GTF3C1: variants seen among roughly 807,000 people sequenced by gnomAD.
GTF3C1 encodes the protein general transcription factor IIIC subunit 1.
GTF3C1 carries 57 observed loss-of-function variants against 226.7 expected under a neutral mutation model. That is an observed-to-expected ratio of 0.25 (90% CI 0.20 to 0.31). The LOEUF is 0.31. Ranked by LOEUF, GTF3C1 falls within the 10% of genes least tolerant of loss-of-function variation. The pLI is 1.00. For missense variants in GTF3C1, 2,217 were observed against 2,776.1 expected (o/e 0.80, Z 4.53); for synonymous variants, 1,090 against 1,084.8 (o/e 1.00, Z -0.09).
intron 24 of GTF3C1, 70 bp from the exon 25 acceptor site, chr16:27,484,423 A>C: frequency 3.6e-6 from 4 of 1,110,622 alleles, no homozygotes; most frequent in Non-Finnish European, 5.5e-6. Context: ...AATTACCATA[A>C]AAAAGTGGAC....
intron 6 of GTF3C1, 85 bp downstream of exon 6, chr16:27,528,513 T>C (rs2088866552): frequency 9.8e-7 from 1 of 1,023,814 alleles, no homozygotes; most frequent in Non-Finnish European, 1.5e-6. Context: ...AGGCAGAATG[T>C]GATCAGAGAG....
At chr16:27,511,503 T>C (rs752551712) in intron 7 of GTF3C1, among the ~76,000 whole-genome samples, 24 of 152,224 alleles carry the variant, frequency 1.6e-4, no homozygotes, top group Non-Finnish European at 2.4e-4. Context: ...TGGAGAACTC[T>C]AAGATGCCTG....
chr16:27,530,549 T>C (rs1306337122), intron 5 of GTF3C1, among the ~76,000 whole-genome samples: 2 of 152,136 alleles, frequency 1.3e-5, no homozygotes, highest in Non-Finnish European at 2.9e-5. Context: ...GCTTCATCTA[T>C]AGGCTAATTT....
chr16:27,516,130 C>T (rs779151434), intron 6 of GTF3C1, among the ~76,000 whole-genome samples: 2 of 152,222 alleles, frequency 1.3e-5, no homozygotes, highest in Non-Finnish European at 2.9e-5. Context: ...TTCAAGGTGG[C>T]GGGCCCCCCC....
At chr16:27,528,851 C>A in intron 5 of GTF3C1, 130 bp from the exon 6 acceptor site, 1 of 901,808 alleles carries the variant, frequency 1.1e-6, no homozygotes, top group Middle Eastern at 2.2e-4. Flanking sequence ...ATGAGGAAAG[C>A]CTGCCAAGCT....
Position 27,492,712 on chromosome 16 carries a change from G to C in GTF3C1, c.2878C>G (p.Arg960Gly). 6.4e-7 allele frequency: 1 copy of C among 1,557,678 alleles called. No individual in the cohort carries two copies. Among genetic ancestry groups the C allele is most frequent in the Non-Finnish European group, 8.9e-7 (1 of 1,128,602 alleles). ...TTCTCCACCACCGAAAAAATGTAAC[G>C]CCTAGAAAACAGAGGGGGCGGGAGG... ...PIRQQLLYKR[R>G]YIFSVVENLQ... The change falls in exon 18 of 37, where the codon CGT becomes GGT. Residue 960 changes from arginine (R) to glycine (G), a missense_variant and splice_region_variant. Arg to Gly is a moderately radical substitution (Grantham distance 125). Coordinates refer to ENST00000356183, the MANE Select transcript of GTF3C1 (RefSeq NM_001520.4). The surrounding 1 kb of genome is among the most constrained non-coding windows in gnomAD (Gnocchi z 5.0).
intron 15 of GTF3C1, 113 bp from the exon 16 acceptor site, chr16:27,495,021 A>G (rs1050635599): frequency 1.0e-6 from 1 of 968,246 alleles, no homozygotes; most frequent in East Asian, 2.5e-5. Context: ...AATTTGAGGA[A>G]AACTCTACTT....
chr16:27,465,734 T>C (rs1229092935), intron 32 of GTF3C1, 194 bp from the exon 33 acceptor site: 2 of 590,312 alleles, frequency 3.4e-6, no homozygotes, highest in Non-Finnish European at 6.0e-6. Context: ...CCTAGGCCTC[T>C]GACTACAGCT....
chr16:27,472,537 G>A (rs2087891363), intron 29 of GTF3C1, among the ~76,000 whole-genome samples: 2 of 152,180 alleles, frequency 1.3e-5, no homozygotes, highest in South Asian at 2.1e-4. Context: ...CTCTGCAGAT[G>A]TGACCACAAC....
At position 27,512,475 on chromosome 16, in the gene GTF3C1, C is replaced by G. The variant is rs1165121071; in HGVS notation, c.974-574G>C. Among the ~76,000 whole-genome samples, 8 of 152,190 alleles carry G rather than the reference C, an allele frequency of 5.3e-5. No homozygotes were observed. The South Asian group carries it at 1.7e-3, about 32-fold the overall frequency. On this transcript the variant is annotated intron_variant, in intron 6 of 36. Transcript: ENST00000356183. Reference sequence around the variant, plus strand: ...AAAACAACTCAAAAAGAGGCAAAGCCTATCAGTACTAATAGATCTACTACA... The same window carrying G: ...AAAACAACTCAAAAAGAGGCAAAGCGTATCAGTACTAATAGATCTACTACA...
chr16:27,508,764 A>C lies in GTF3C1; in HGVS notation c.1127-109T>G, dbSNP rs536171267. ...GACATTTTGATGCTGTGAAATTAAC[A>C]GACAGAACAAAACATACGCCATTTC... On this transcript the variant is annotated intron_variant, in intron 7 of 36. Coordinates refer to ENST00000356183, the MANE Select transcript of GTF3C1 (RefSeq NM_001520.4). 15 of 758,220 alleles carry C rather than the reference A, an allele frequency of 2.0e-5. No individual in the cohort carries two copies. In the African/African-American group the frequency reaches 2.6e-4, roughly 13 times the overall value. 47.0% of individuals were successfully genotyped at this position (758,220 alleles called of 1,614,324 possible).
At chr16:27,473,068 C>G (rs181606065) in intron 29 of GTF3C1, among the ~76,000 whole-genome samples, 1 of 152,280 alleles carries the variant, frequency 6.6e-6, no homozygotes, top group East Asian at 1.9e-4. Flanking sequence ...GGCACTATGC[C>G]TGGTTAATTT....
Position 27,477,550 on chromosome 16 carries a change from C to T in GTF3C1, c.4259+919G>A, listed in dbSNP as rs537139976. 5.3e-5 allele frequency among the ~76,000 whole-genome samples: 8 copies of T among 152,308 alleles called. No homozygotes were observed. The East Asian group carries it at 5.8e-4, about 11-fold the overall frequency. On this transcript the variant is annotated intron_variant, in intron 28 of 36. Coordinates refer to ENST00000356183, the MANE Select transcript of GTF3C1 (RefSeq NM_001520.4). ...GAACTCTTGACCTCAGGTGATCCGC[C>T]GGCAGCGCCCTCCCAAAGTGCTGGG...
At chr16:27,541,518 C>T (rs776768344) in intron 2 of GTF3C1, among the ~76,000 whole-genome samples, 7 of 152,232 alleles carry the variant, frequency 4.6e-5, no homozygotes, top group Non-Finnish European at 7.4e-5. Flanking sequence ...CTTTGAGCAA[C>T]GTATAATCTA....
At chr16:27,475,195 T>A (rs2141355726) in intron 29 of GTF3C1, among the ~76,000 whole-genome samples, 1 of 152,106 alleles carries the variant, frequency 6.6e-6, no homozygotes, top group Non-Finnish European at 1.5e-5. Context: ...TGGGGAGGGG[T>A]GGCACACTCT....
intron 14 of GTF3C1, among the ~76,000 whole-genome samples, chr16:27,496,130 C>T (rs1567397791): frequency 6.6e-6 from 1 of 152,166 alleles, no homozygotes; most frequent in Non-Finnish European, 1.5e-5. Context: ...CTCTCTCTTG[C>T]TCCTGCTTTT....
intron 20 of GTF3C1, 32 bp downstream of exon 20, chr16:27,489,570 C>CCTGG (rs2088200617): frequency 6.4e-7 from 1 of 1,565,268 alleles, no homozygotes; most frequent in Admixed American, 1.7e-5. Flanking sequence ...GCAGCCCAGT[C>CCTGG]CTGGCCGGCC....
In GTF3C1 at chr16:27,494,814, G is replaced by A. The variant is rs1391753053; in HGVS notation, c.2727C>T (p.Leu909=). ...GFGWALVSDI[L]LCLPLSIFIQ... ...TGAAGATGGAGAGGGGAAGGCAGAG[G>A]AGGATGTCGCTGACGAGAGCCCAGC... The change falls in exon 16 of 37, where the codon CTC becomes CTT. Residue 909 remains leucine, a synonymous_variant. Coordinates refer to ENST00000356183, the MANE Select transcript of GTF3C1 (RefSeq NM_001520.4). 1.9e-6 allele frequency: 3 copies of A among 1,612,698 alleles called. No homozygotes were observed. The highest frequency in any genetic ancestry group is 2.5e-6 in the Non-Finnish European group (3 of 1,178,660).
rs1175243346 is a variant in GTF3C1, at chr16:27,507,203, ACCCACAGGGGTTCAGGTGGT to A, written c.1243-67_1243-48del. 2.2e-6 allele frequency: 3 copies of A among 1,393,798 alleles called. No individual in the cohort carries two copies. The highest frequency in any genetic ancestry group is 3.0e-6 in the Non-Finnish European group (3 of 1,009,706). 86.3% of individuals were successfully genotyped at this position (1,393,798 alleles called of 1,614,324 possible). ...TATCCCACTGCAAAGAGGGCGTCATACCCACAGGGGTTCAGGTGGTCTGTGGCATCTATTTCCTTATTGGC... is the reference window on the plus strand; with the variant it reads ...TATCCCACTGCAAAGAGGGCGTCATACTGTGGCATCTATTTCCTTATTGGC... On this transcript the variant is annotated intron_variant, in intron 8 of 36. Coordinates refer to ENST00000356183, the MANE Select transcript of GTF3C1 (RefSeq NM_001520.4). This position sits in a 1 kb window ranked among gnomAD's most constrained non-coding sequence, Gnocchi z 4.9.
Sources: gnomAD v4.1 joint callset for allele counts (sites outside exome capture counted in the v4.1 genomes callset) on GRCh38, gnomAD v4.1.1 for gene constraint, Gnocchi (gnomAD v3.1) non-coding constraint, MANE v1.5 for transcripts, NCBI Gene and HGNC (gene_info 2026-07-23, HGNC 2026-07-21) for gene names.